The following CAMKK1 variants were observed in gnomAD, a reference collection of about 807,000 sequenced individuals.
CAMKK1 encodes calcium/calmodulin-dependent protein kinase kinase 1.
Under a neutral mutation model 63.5 loss-of-function variants are expected in CAMKK1, and 20 were observed. The ratio of observed to expected loss-of-function variants is 0.32; its 90% CI spans 0.22 to 0.46. The LOEUF (loss-of-function observed/expected upper bound fraction) is 0.46. Among genes scored for constraint, CAMKK1 ranks in the 20% least tolerant of loss-of-function variants. The pLI is 1.00. For synonymous variants in CAMKK1, 253 were observed against 269.0 expected, an observed-to-expected ratio of 0.94 and a Z score of 0.58; for missense variants, 588 against 658.1, an observed-to-expected ratio of 0.89 and a Z score of 1.17.
In CAMKK1 at chr17:3,862,968, C is replaced by T. The variant is rs72825466; in HGVS notation, c.1446-685G>A. 0.15 allele frequency among the ~76,000 whole-genome samples: 22,994 copies of T among 152,186 alleles called. 1,951 individuals are homozygous for T. The highest frequency in any genetic ancestry group is 0.19 in the Non-Finnish European group (12,853 of 67,978). Reference sequence around the variant, plus strand: ...CCTTCTGTGTTGACCTCAGTCATCCCCCAGCAGATCTGGGTAGAGAGGCTT... The same window carrying T: ...CCTTCTGTGTTGACCTCAGTCATCCTCCAGCAGATCTGGGTAGAGAGGCTT... On this transcript the variant is annotated intron_variant, in intron 15 of 15. Transcript: ENST00000348335. This position sits in a 1 kb window ranked among gnomAD's most constrained non-coding sequence, Gnocchi z 4.1.
chr17:3,881,434 G>A (rs2055407688), intron 8 of CAMKK1, among the ~76,000 whole-genome samples, 193 bp downstream of exon 8: 1 of 152,140 alleles, frequency 6.6e-6, no homozygotes, highest in South Asian at 2.1e-4. Context: ...AGGTCTCCCT[G>A]ACTATTTCAG....
In CAMKK1 at chr17:3,882,570, C is replaced by T; in HGVS notation, c.649-6G>A. 6.3e-7 allele frequency: 1 copy of T among 1,590,654 alleles called. No homozygotes were observed. The highest frequency in any genetic ancestry group is 1.3e-5 in the African/African-American group (1 of 74,476). ...TCAGCTGGGTCATCCAGGACCTGGT[C>T]AGAGGGAGCAGACATGGGGGTGGGG... On this transcript the variant is annotated splice_polypyrimidine_tract_variant and splice_region_variant and intron_variant, in intron 6 of 15. Coordinates refer to ENST00000348335, the MANE Select transcript of CAMKK1 (RefSeq NM_032294.3). The surrounding 1 kb of genome is among the most constrained non-coding windows in gnomAD (Gnocchi z 4.3).
At chr17:3,863,583 A>G (rs550743704) in intron 15 of CAMKK1, among the ~76,000 whole-genome samples, 1 of 152,318 alleles carries the variant, frequency 6.6e-6, no homozygotes, top group East Asian at 1.9e-4. Flanking sequence ...TTTCAAAGTT[A>G]AACGTGGAGG....
rs1178835754 is a variant in CAMKK1, at chr17:3,882,605, G to C, written c.649-41C>G. On this transcript the variant is annotated intron_variant, in intron 6 of 15. Transcript: ENST00000348335. This position sits in a 1 kb window ranked among gnomAD's most constrained non-coding sequence, Gnocchi z 4.3. ...AGACATGGGGGTGGGGCTTGAGGAGGCGTGGGGTTGGAGGTCCCAGGCCTC... is the reference window on the plus strand; with the variant it reads ...AGACATGGGGGTGGGGCTTGAGGAGCCGTGGGGTTGGAGGTCCCAGGCCTC... 6.4e-7 allele frequency: 1 copy of C among 1,570,370 alleles called. No homozygotes were observed. The highest frequency in any genetic ancestry group is 2.3e-5 in the East Asian group (1 of 42,804).
intron 2 of CAMKK1, 68 bp downstream of exon 2, chr17:3,885,260 G>A (rs955239299): frequency 2.0e-6 from 3 of 1,464,438 alleles, no homozygotes; most frequent in Non-Finnish European, 2.7e-6. Flanking sequence ...ACAGACAGGG[G>A]CAGGAAAGAG....
chr17:3,872,414 A>G (rs1327595941), intron 12 of CAMKK1, 140 bp downstream of exon 12: 2 of 681,394 alleles, frequency 2.9e-6, no homozygotes, highest in East Asian at 5.4e-5. Context: ...CCATCTATTC[A>G]GGGGTCCCTC....
intron 8 of CAMKK1, among the ~76,000 whole-genome samples, chr17:3,881,409 C>T (rs553158928): frequency 6.6e-6 from 1 of 152,326 alleles, no homozygotes; most frequent in South Asian, 2.1e-4. Flanking sequence ...GGTCAAAATC[C>T]GTCCCCTTTT....
At position 3,892,589 on chromosome 17, in the gene CAMKK1, G is replaced by A. The variant is rs1339896669; in HGVS notation, c.-44+350C>T. ...GGAGAACCGCACGTGGGTGCCCCGG[G>A]CCGGGCCCACTCCGCACAGACGTGG... On this transcript the variant is annotated intron_variant, in intron 1 of 15. Transcript: ENST00000348335. The surrounding 1 kb of genome is among the most constrained non-coding windows in gnomAD (Gnocchi z 7.5). Among the ~76,000 whole-genome samples the A allele has an allele frequency of 6.6e-6, 1 of 152,190 alleles. No individual in the cohort carries two copies. Among genetic ancestry groups the A allele is most frequent in the Non-Finnish European group, 1.5e-5 (1 of 68,022 alleles).
intron 11 of CAMKK1, 131 bp downstream of exon 11, chr17:3,873,278 C>T (rs2054977106): frequency 8.8e-6 from 7 of 791,310 alleles, no homozygotes; most frequent in African/African-American, 3.5e-5. Flanking sequence ...AGCCTCTTCT[C>T]TCTCAGCCTT....
intron 11 of CAMKK1, 53 bp from the exon 12 acceptor site, chr17:3,872,680 C>T: frequency 1.3e-6 from 2 of 1,510,156 alleles, no homozygotes; most frequent in Non-Finnish European, 9.2e-7. Context: ...TCGACCTGTG[C>T]CAGGGGATCA....
intron 14 of CAMKK1, among the ~76,000 whole-genome samples, chr17:3,866,878 C>G (rs1361098434): frequency 3.9e-5 from 6 of 152,220 alleles, no homozygotes; most frequent in Non-Finnish European, 8.8e-5. Context: ...CACCACCACA[C>G]CCGGCTAATT....
In CAMKK1 at chr17:3,887,338, A is replaced by T. The variant is rs2055696540; in HGVS notation, c.-43-1608T>A. ...GTGTGTTGAATGAGTAGAAGCCTGG[A>T]GGCGGTGGGGCTGGTGCTGACATGG... On this transcript the variant is annotated intron_variant, in intron 1 of 15. Transcript: ENST00000348335. The surrounding 1 kb of genome is among the most constrained non-coding windows in gnomAD (Gnocchi z 6.1). Among the ~76,000 whole-genome samples the T allele has an allele frequency of 6.6e-6, 1 of 152,130 alleles. No individual in the cohort carries two copies. The highest frequency in any genetic ancestry group is 1.5e-5 in the Non-Finnish European group (1 of 68,008).
chr17:3,861,944 T>G lies in CAMKK1; in HGVS notation c.*267A>C. ...TTCTGAGGCTCCATGGGCACCCGGT[T>G]TCCCCACAGAATGGGTCAGGCCAAG... is the stretch of plus-strand genomic sequence containing the variant. On this transcript the variant is annotated 3_prime_UTR_variant, in exon 16 of 16. Transcript: ENST00000348335. The G allele has an allele frequency of 2.1e-6, 1 of 469,976 alleles. No homozygotes were observed. The highest frequency in any genetic ancestry group is 3.9e-6 in the Non-Finnish European group (1 of 259,634). 29.1% of individuals were successfully genotyped at this position (469,976 alleles called of 1,614,324 possible).
At chr17:3,886,500 C>T (rs1269040187) in intron 1 of CAMKK1, among the ~76,000 whole-genome samples, 1 of 152,136 alleles carries the variant, frequency 6.6e-6, no homozygotes, top group Non-Finnish European at 1.5e-5. Context: ...GGCATGGTGG[C>T]GTGCACCTGA....
In CAMKK1 at chr17:3,868,091, T is replaced by A. The variant is rs12948104; in HGVS notation, c.1341+1396A>T. ...GGCGCAGTCTAACTGATACGTGGGC[T>A]CTGGGGGAGAAGCAGGCGCCGTCTA... On this transcript the variant is annotated intron_variant, in intron 14 of 15. Transcript: ENST00000348335. 4.3e-4 allele frequency among the ~76,000 whole-genome samples: 33 copies of A among 76,270 alleles called. 3 individuals are homozygous for A. The highest frequency in any genetic ancestry group is 3.2e-3 in the East Asian group (7 of 2,188). The allele number at this position is 76,270 out of a possible 152,430, so 50.0% of individuals were successfully genotyped here.
In CAMKK1 at chr17:3,869,556, G is replaced by A; in HGVS notation, c.1272C>T (p.Cys424=). 2 of 1,614,226 alleles carry A rather than the reference G, an allele frequency of 1.2e-6. No individual in the cohort carries two copies. The highest frequency in any genetic ancestry group is 1.7e-6 in the Non-Finnish European group (2 of 1,180,038). The change falls in exon 14 of 16, where the codon TGC becomes TGT. Residue 424 remains cysteine (C), a synonymous_variant. Coordinates refer to ENST00000348335, the MANE Select transcript of CAMKK1 (RefSeq NM_032294.3). ...EEPLPSEEEH[C]SVVEVTEEEV... ...CCTCCTCTGTCACCTCCACCACGCTGCAGTGCTCCTCCTCCGAAGGAAGGG... is the reference window on the plus strand; with the variant it reads ...CCTCCTCTGTCACCTCCACCACGCTACAGTGCTCCTCCTCCGAAGGAAGGG...
Position 3,883,999 on chromosome 17 carries a change from G to A in CAMKK1, c.409-62C>T. On this transcript the variant is annotated intron_variant, in intron 3 of 15. Coordinates refer to ENST00000348335, the MANE Select transcript of CAMKK1 (RefSeq NM_032294.3). This position sits in a 1 kb window ranked among gnomAD's most constrained non-coding sequence, Gnocchi z 4.7. The stretch of plus-strand genomic sequence containing the variant: ...GCAACCCCTCCCAGGACCAGCTCAG[G>A]AGGTGGGGAGCCGAGCAGCTCTGGT... 1.9e-6 allele frequency: 3 copies of A among 1,542,462 alleles called. No individual in the cohort carries two copies. The highest frequency in any genetic ancestry group is 2.2e-5 in the South Asian group (2 of 89,484).
chr17:3,887,557 G>A lies in CAMKK1; in HGVS notation c.-43-1827C>T, dbSNP rs1336656372. ...GAAGAGAGGGCAGGAGACAGTGAGTGCGGCTGTGGCACAAGGAGGCCTCCC... is the reference window on the plus strand; with the variant it reads ...GAAGAGAGGGCAGGAGACAGTGAGTACGGCTGTGGCACAAGGAGGCCTCCC... On this transcript the variant is annotated intron_variant, in intron 1 of 15. Coordinates refer to ENST00000348335, the MANE Select transcript of CAMKK1 (RefSeq NM_032294.3). The surrounding 1 kb of genome is among the most constrained non-coding windows in gnomAD (Gnocchi z 6.1). Among the ~76,000 whole-genome samples the A allele has an allele frequency of 6.6e-6, 1 of 151,600 alleles. No homozygotes were observed. The highest frequency in any genetic ancestry group is 2.4e-5 in the African/African-American group (1 of 41,212).
At chr17:3,868,099 AGAAG>A (rs1466887269) in intron 14 of CAMKK1, among the ~76,000 whole-genome samples, 1,585 of 81,322 alleles carry the variant, frequency 0.019, 620 homozygotes, top group East Asian at 0.026. Flanking sequence ...GCTCTGGGGG[AGAAG>A]CAGGCGCCGT....
Sources: gnomAD v4.1 joint callset for allele counts (sites outside exome capture counted in the v4.1 genomes callset) on GRCh38, gnomAD v4.1.1 for gene constraint, Gnocchi (gnomAD v3.1) non-coding constraint, MANE v1.5 for transcripts, NCBI Gene and HGNC (gene_info 2026-07-23, HGNC 2026-07-21) for gene names.